The following DDC variants were observed in gnomAD, a reference collection of about 807,000 sequenced individuals.
DDC encodes the protein aromatic-L-amino-acid decarboxylase.
DDC carries 43 observed loss-of-function variants against 60.0 expected under a neutral mutation model. That is an observed-to-expected ratio of 0.72 (90% CI 0.56 to 0.92). The LOEUF (loss-of-function observed/expected upper bound fraction) is 0.92. Among genes scored for constraint, DDC ranks in the 40% least tolerant of loss-of-function variants. DDC has a pLI of 0.00. For synonymous variants in DDC, 232 were observed against 234.6 expected, an observed-to-expected ratio of 0.99 and a Z score of 0.10; for missense variants, 573 against 620.2, an observed-to-expected ratio of 0.92 and a Z score of 0.81.
In DDC at chr7:50,467,311, A is replaced by T; in HGVS notation, c.1145T>A (p.Val382Asp). 6.2e-7 allele frequency: 1 copy of T among 1,613,774 alleles called. No homozygotes were observed. ...KGLQAYIRKHVQLSHEFESLV... is the reference protein window; with the variant it reads ...KGLQAYIRKHDQLSHEFESLV... The stretch of plus-strand genomic sequence containing the variant: ...TGACTCAAACTCATGGGACAGCTGG[A>T]CATGCTTCAAAGAGGAAAGGGAAAA... The change falls in exon 13 of 15, where the codon GTC becomes GAC. Residue 382 changes from valine (V) to aspartate (D), a missense_variant. By Grantham distance (152) the Val-to-Asp change is radical. Coordinates refer to ENST00000444124, the MANE Select transcript of DDC (RefSeq NM_001082971.2).
intron 1 of DDC, among the ~76,000 whole-genome samples, chr7:50,553,588 G>A (rs2045084987): frequency 7.0e-6 from 1 of 143,512 alleles, no homozygotes; most frequent in African/African-American, 2.6e-5. Context: ...CCAGGTTCAA[G>A]CGATTCTCCT....
intron 6 of DDC, 34 bp downstream of exon 6, chr7:50,528,103 A>C (rs770640506): frequency 1.1e-5 from 18 of 1,610,564 alleles, no homozygotes; most frequent in Admixed American, 1.0e-4. Context: ...GTTTCACCTT[A>C]TTGGCCAGGA....
intron 1 of DDC, among the ~76,000 whole-genome samples, chr7:50,548,906 G>A (rs946571758): frequency 6.6e-5 from 10 of 152,196 alleles, no homozygotes; most frequent in African/African-American, 2.4e-4. Flanking sequence ...CACAGCTGGT[G>A]ACTTTAAGTT....
chr7:50,528,263 TTCCA>T lies in DDC; in HGVS notation c.584_587del (p.Val195GlufsTer5), dbSNP rs1348624252. 6.2e-7 allele frequency: 1 copy of T among 1,614,120 alleles called. No homozygotes were observed. Among genetic ancestry groups the T allele is most frequent in the East Asian group, 2.2e-5 (1 of 44,868 alleles). On this transcript the variant is annotated frameshift_variant, in exon 6 of 15. Transcript: ENST00000444124. LOFTEE classifies it high-confidence loss of function. Reference sequence around the variant, plus strand: ...TCACTCCACCAATTAACCCAGCTCTTTCCACTGAGGAGTGTGCCTGGAAAGAAGA... The same window carrying T: ...TCACTCCACCAATTAACCCAGCTCTTCTGAGGAGTGTGCCTGGAAAGAAGA...
rs757500557 is a variant in DDC at position 50,528,128 on chromosome 7, C to T, written c.714+9G>A. On this transcript the variant is annotated intron_variant, in intron 6 of 14. Coordinates refer to ENST00000444124, the MANE Select transcript of DDC (RefSeq NM_001082971.2). ...ATTGGCCAGGAGCCACAAGTGCTGC[C>T]GAACTTACAAAGAAAGGAATCAGGC... The T allele has an allele frequency of 1.9e-6, 3 of 1,612,136 alleles. No homozygotes were observed. Among genetic ancestry groups the T allele is most frequent in the East Asian group, 4.5e-5 (2 of 44,862 alleles).
At chr7:50,504,596 T>C (rs2043341981) in intron 6 of DDC, among the ~76,000 whole-genome samples, 1 of 151,404 alleles carries the variant, frequency 6.6e-6, no homozygotes, top group African/African-American at 2.4e-5. Flanking sequence ...TTTTATTTTC[T>C]ATATATATAT....
chr7:50,519,030 A>G (rs1276465118), intron 6 of DDC, among the ~76,000 whole-genome samples: 5 of 152,254 alleles, frequency 3.3e-5, no homozygotes, highest in Non-Finnish European at 5.9e-5. Context: ...AATGAACTCA[A>G]ACAAATCAGT....
chr7:50,559,214 G>A lies in DDC; in HGVS notation c.-29+6071C>T, dbSNP rs146202367. 7.3e-3 allele frequency among the ~76,000 whole-genome samples: 1,110 copies of A among 152,208 alleles called. 7 individuals are homozygous for A. The highest frequency in any genetic ancestry group is 0.02 in the Middle Eastern group (6 of 294). ...GCAGGCACGGAGCTCCTCTCAGCCCGCACAGCTCAGAAATGGCTTTCACAC... is the reference window on the plus strand; with the variant it reads ...GCAGGCACGGAGCTCCTCTCAGCCCACACAGCTCAGAAATGGCTTTCACAC... On this transcript the variant is annotated intron_variant, in intron 1 of 14. Transcript: ENST00000444124.
intron 1 of DDC, among the ~76,000 whole-genome samples, chr7:50,564,850 A>T (rs1326883409): frequency 6.6e-6 from 1 of 152,218 alleles, no homozygotes; most frequent in Admixed American, 6.5e-5. Flanking sequence ...GGAAGGGCAG[A>T]GTTCACATTT....
intron 4 of DDC, among the ~76,000 whole-genome samples, chr7:50,536,121 T>A (rs1460100700): frequency 4.6e-5 from 7 of 152,188 alleles, no homozygotes; most frequent in Admixed American, 2.6e-4. Context: ...TCCTTTTGGA[T>A]GAAGGACAGA....
chr7:50,555,315 G>A (rs563976729), intron 1 of DDC, among the ~76,000 whole-genome samples: 6 of 152,276 alleles, frequency 3.9e-5, no homozygotes, highest in Admixed American at 2.0e-4. Flanking sequence ...TGTTGGAAAC[G>A]AGACCCAGGA....
chr7:50,492,887 C>T, intron 9 of DDC: 1 of 1,589,886 alleles, frequency 6.3e-7, no homozygotes, highest in Non-Finnish European at 8.5e-7. Context: ...TCTGCGGCAG[C>T]CTCGGGGCAT....
intron 4 of DDC, among the ~76,000 whole-genome samples, chr7:50,536,081 A>G: frequency 6.6e-6 from 1 of 152,212 alleles, no homozygotes; most frequent in East Asian, 1.9e-4. Flanking sequence ...TACTAAGATA[A>G]AAAGCTACAT....
At chr7:50,469,943 C>T (rs1227049147) in intron 12 of DDC, 130 bp downstream of exon 12, 15 of 673,572 alleles carry the variant, frequency 2.2e-5, no homozygotes, top group Non-Finnish European at 3.6e-5. Context: ...TGTGCCATTG[C>T]ACTCCAGCCT....
At chr7:50,468,931 A>ATTTT (rs36005269) in intron 12 of DDC, among the ~76,000 whole-genome samples, 2 of 86,166 alleles carry the variant, frequency 2.3e-5, no homozygotes, top group Non-Finnish European at 2.3e-5. Context: ...CAGTTTCCTC[A>ATTTT]TTTTTTTTTT....
At chr7:50,475,869 T>C (rs764052408) in intron 11 of DDC, among the ~76,000 whole-genome samples, 2 of 152,054 alleles carry the variant, frequency 1.3e-5, no homozygotes, top group Non-Finnish European at 2.9e-5. Context: ...TTTGTATTTT[T>C]AGCACAGATG....
chr7:50,463,439 G>A lies in DDC; in HGVS notation c.1243-8C>T. ...ATTCACTTTGTTGGAACCCTGGAGG[G>A]ATTGAAAGAGAGGAACTGTGCTCAG... On this transcript the variant is annotated splice_region_variant and splice_polypyrimidine_tract_variant and intron_variant, in intron 13 of 14. Transcript: ENST00000444124. 6.2e-7 allele frequency: 1 copy of A among 1,612,832 alleles called. No homozygotes were observed. The highest frequency in any genetic ancestry group is 8.5e-7 in the Non-Finnish European group (1 of 1,178,828).
chr7:50,511,058 C>T (rs201335684), intron 6 of DDC, among the ~76,000 whole-genome samples: 39,149 of 131,112 alleles, frequency 0.3, 5,657 homozygotes, highest in Admixed American at 0.4. Flanking sequence ...TCTATACACA[C>T]ACACACACAC....
At chr7:50,532,202 C>T (rs1180645788) in intron 4 of DDC, among the ~76,000 whole-genome samples, 1 of 152,206 alleles carries the variant, frequency 6.6e-6, no homozygotes, top group Non-Finnish European at 1.5e-5. Context: ...TACAGACAAT[C>T]AGCCTTGTCT....
Sources: gnomAD v4.1 joint callset for allele counts (sites outside exome capture counted in the v4.1 genomes callset) on GRCh38, gnomAD v4.1.1 for gene constraint, MANE v1.5 for transcripts, NCBI Gene and HGNC (gene_info 2026-07-23, HGNC 2026-07-21) for gene names.